CNBD2: variants seen among roughly 807,000 people sequenced by gnomAD.
CNBD2 encodes cyclic nucleotide binding domain containing 2.
In CNBD2, 64 loss-of-function variants were observed where a neutral mutation model predicts 63.7. The observed-to-expected ratio is 1.00, with a 90% CI of 0.82 to 1.24. The LOEUF (loss-of-function observed/expected upper bound fraction) is 1.24. Ranked by LOEUF, CNBD2 falls within the 50% of genes most tolerant of loss-of-function variation. CNBD2 has a pLI of 0.00. For missense variants in CNBD2, 691 were observed against 713.5 expected, an observed-to-expected ratio of 0.97 and a Z score of 0.36; for synonymous variants, 229 against 255.4, an observed-to-expected ratio of 0.90 and a Z score of 0.99.
chr20:35,996,399 T>C (rs2056824941), intron 8 of CNBD2, among the ~76,000 whole-genome samples: 1 of 128,642 alleles, frequency 7.8e-6, no homozygotes, highest in African/African-American at 3.3e-5. Context: ...CCCAACTCAG[T>C]AACAAGTATG....
At chr20:35,967,331 C>T (rs1324763056), upstream of CNBD2, among the ~76,000 whole-genome samples, 1 of 144,120 alleles carries the variant, frequency 6.9e-6, no homozygotes, top group Non-Finnish European at 1.5e-5. Flanking sequence ...CTGACTGCAA[C>T]CTCTGCCTCC....
intron 4 of CNBD2, among the ~76,000 whole-genome samples, chr20:35,980,947 A>G (rs569500657): frequency 2.0e-3 from 309 of 152,320 alleles, no homozygotes; most frequent in Non-Finnish European, 3.6e-3. Context: ...GGTCACCCAG[A>G]CAAAAAGAAA....
Position 35,995,044 on chromosome 20 carries a change from TGTG to T in CNBD2, c.863_865del (p.Cys288_Glu289delinsTer). ...TGTCCCTTGCTGTGTTCAGGGCAGC[TGTG>T]AAGTCCTGCGGCTGTTGGACCTTGG... On this transcript the variant is annotated stop_gained and inframe_deletion, in exon 8 of 12. Coordinates refer to ENST00000373973, the MANE Select transcript of CNBD2 (RefSeq NM_001365709.1). LOFTEE classifies it high-confidence loss of function. 6.2e-7 allele frequency: 1 copy of T among 1,613,488 alleles called. No homozygotes were observed. The highest frequency in any genetic ancestry group is 1.7e-5 in the Admixed American group (1 of 60,030).
upstream of CNBD2, among the ~76,000 whole-genome samples, chr20:35,967,349 A>G (rs150272563): frequency 2.8e-3 from 400 of 143,814 alleles, 1 homozygote; most frequent in African/African-American, 9.8e-3. Flanking sequence ...TCCCGGGTTC[A>G]AGTGATCCTC....
In CNBD2 at chr20:35,984,123, G is replaced by A. The variant is rs1480210959; in HGVS notation, c.549G>A (p.Lys183=). ...FLDPHPKLLH[K]GSCFGEMDVL... ...ATCCCCACCCGAAATTGCTGCACAA[G>A]GGTAGCTGTTTTGGGGTAAGCCCAG... Residue 183 remains lysine, a synonymous_variant, in exon 5 of 12, where the codon AAG becomes AAA. Transcript: ENST00000373973. 1.9e-5 allele frequency: 30 copies of A among 1,608,164 alleles called. No individual in the cohort carries two copies. The highest frequency in any genetic ancestry group is 2.5e-5 in the Non-Finnish European group (29 of 1,176,676).
chr20:35,975,057 A>G (rs1379037013), intron 2 of CNBD2: 1 of 140,420 alleles, frequency 7.1e-6, no homozygotes, highest in Non-Finnish European at 1.5e-5. Flanking sequence ...GCTGGAGTGC[A>G]GTGGCGCGAT....
chr20:36,014,576 A>C (rs140645280), intron 10 of CNBD2, among the ~76,000 whole-genome samples: 359 of 149,002 alleles, frequency 2.4e-3, no homozygotes, highest in African/African-American at 8.5e-3. Context: ...TGGTCCACCC[A>C]CCTCGGCCTA....
chr20:36,027,948 G>A (rs932215388), intron 11 of CNBD2, among the ~76,000 whole-genome samples: 2 of 152,144 alleles, frequency 1.3e-5, no homozygotes, highest in Non-Finnish European at 2.9e-5. Context: ...TTACAGGTGT[G>A]AGCCACCGTG....
At chr20:35,991,108 A>G (rs2056741582) in intron 7 of CNBD2, among the ~76,000 whole-genome samples, 1 of 152,230 alleles carries the variant, frequency 6.6e-6, no homozygotes, top group Non-Finnish European at 1.5e-5. Context: ...GTCAGATTTA[A>G]TAACATTGAA....
Position 35,987,421 on chromosome 20 carries a change from C to T in CNBD2, c.743C>T (p.Ser248Phe). The T allele has an allele frequency of 6.2e-7, 1 of 1,614,178 alleles. No individual in the cohort carries two copies. Among genetic ancestry groups the T allele is most frequent in the African/African-American group, 1.3e-5 (1 of 75,060 alleles). The change falls in exon 7 of 12, where the codon TCT (serine) becomes TTT (phenylalanine). Residue 248 changes from serine to phenylalanine, a missense_variant. Ser to Phe is a radical substitution (Grantham distance 155). Transcript: ENST00000373973. ...AAGATGGAGCTGTTTGCATCATGGT[C>T]TGATGAGAAGCTCTGGCAGCTGGTA... is the stretch of plus-strand genomic sequence containing the variant. ...FRKMELFASW[S>F]DEKLWQLVAM... is the part of the protein sequence containing the mutation.
At chr20:36,018,626 T>C (rs951065773) in intron 10 of CNBD2, among the ~76,000 whole-genome samples, 24 of 152,210 alleles carry the variant, frequency 1.6e-4, no homozygotes, top group Non-Finnish European at 1.0e-4. Context: ...AGTAGCAGTG[T>C]GGAGCTGGGT....
upstream of CNBD2, among the ~76,000 whole-genome samples, chr20:35,965,165 T>C (rs2056335708): frequency 6.6e-6 from 1 of 151,868 alleles, no homozygotes; most frequent in African/African-American, 2.4e-5. Flanking sequence ...AATAAGAATC[T>C]TCTCTCTCCC....
At chr20:35,962,000 A>G (rs1445547956) in intron 2 of CNBD2, among the ~76,000 whole-genome samples, 1 of 152,098 alleles carries the variant, frequency 6.6e-6, no homozygotes, top group African/African-American at 2.4e-5. Context: ...TGTGCCCTCA[A>G]GGTGTAGCCC....
At chr20:36,028,685 G>GTTTTTTTTTTTT (rs148778050) in intron 11 of CNBD2, among the ~76,000 whole-genome samples, 6,032 of 139,534 alleles carry the variant, frequency 0.043, 479 homozygotes, top group African/African-American at 0.17. Context: ...TCACGGGCTG[G>GTTTTTTTTTTTT]TTTTTTTTGG....
In CNBD2 at chr20:36,002,334, C is replaced by T. The variant is rs546628888; in HGVS notation, c.971-5963C>T. On this transcript the variant is annotated intron_variant, in intron 8 of 11. Coordinates refer to ENST00000373973, the MANE Select transcript of CNBD2 (RefSeq NM_001365709.1). Reference sequence around the variant, plus strand: ...ATCAGGCAGGGAGGTTGCAGTGAGCCGAGATGGCAGCAGTACAGTCCAGCT... The same window carrying T: ...ATCAGGCAGGGAGGTTGCAGTGAGCTGAGATGGCAGCAGTACAGTCCAGCT... Among the ~76,000 whole-genome samples the T allele has an allele frequency of 2.3e-3, 343 of 152,274 alleles. 2 individuals are homozygous for T. The highest frequency in any genetic ancestry group is 7.8e-3 in the African/African-American group (324 of 41,552).
rs1324493431 is a variant in CNBD2 at position 35,983,976 on chromosome 20, T to C, written c.408-6T>C. The C allele has an allele frequency of 1.2e-6, 2 of 1,614,058 alleles. No homozygotes were observed. Among genetic ancestry groups the C allele is most frequent in the Admixed American group, 1.7e-5 (1 of 60,002 alleles). On this transcript the variant is annotated splice_region_variant and splice_polypyrimidine_tract_variant and intron_variant, in intron 4 of 11. Transcript: ENST00000373973. ...ACCCAATCAACTAGCAGTGGTCTTT[T>C]CCCAGGTTTGGTCGCAGGCGTGTGA...
At chr20:35,998,652 T>C (rs868657070) in intron 8 of CNBD2, among the ~76,000 whole-genome samples, 5 of 151,918 alleles carry the variant, frequency 3.3e-5, no homozygotes, top group African/African-American at 1.2e-4. Context: ...GCAGATCACC[T>C]GAGGTCAGGA....
chr20:35,989,939 A>C (rs188407440), intron 7 of CNBD2, among the ~76,000 whole-genome samples: 2 of 151,840 alleles, frequency 1.3e-5, no homozygotes, highest in Admixed American at 1.3e-4. Flanking sequence ...GAAGAAAGGA[A>C]GGAAGGAGCA....
chr20:36,017,475 G>T (rs1340061138), intron 10 of CNBD2, among the ~76,000 whole-genome samples: 1 of 152,100 alleles, frequency 6.6e-6, no homozygotes, highest in African/African-American at 2.4e-5. Context: ...TACTGTCTGG[G>T]AGGTCCAGTC....
Sources: gnomAD v4.1 joint callset for allele counts (sites outside exome capture counted in the v4.1 genomes callset) on GRCh38, gnomAD v4.1.1 for gene constraint, MANE v1.5 for transcripts, NCBI Gene and HGNC (gene_info 2026-07-23, HGNC 2026-07-21) for gene names.